The following LLGL1 variants were observed in gnomAD, a reference collection of about 807,000 sequenced individuals.
The protein encoded by LLGL1 is lethal(2) giant larvae protein homolog 1.
In LLGL1, 58 loss-of-function variants were observed where a neutral mutation model predicts 110.6. The observed-to-expected ratio is 0.52, with a 90% CI of 0.42 to 0.65. The LOEUF (loss-of-function observed/expected upper bound fraction) is 0.65. Ranked by LOEUF, LLGL1 falls within the 30% of genes least tolerant of loss-of-function variation. The pLI, the probability that LLGL1 is intolerant of heterozygous loss-of-function variation, is 0.00. For missense variants in LLGL1, 1,229 were observed against 1,462.1 expected, an observed-to-expected ratio of 0.84 and a Z score of 2.60; for synonymous variants, 674 against 607.2, an observed-to-expected ratio of 1.11 and a Z score of -1.62.
chr17:18,237,165 C>T (rs1212107020), intron 13 of LLGL1: 5 of 598,390 alleles, frequency 8.4e-6, no homozygotes, highest in Non-Finnish European at 1.5e-5. Flanking sequence ...TGTGCTCCGG[C>T]ACTCACATGA....
Position 18,226,699 on chromosome 17 carries a change from G to C in LLGL1, c.81+936G>C, listed in dbSNP as rs543163299. On this transcript the variant is annotated intron_variant, in intron 1 of 22. Transcript: ENST00000316843. ...TTCTGCACCAAGGTGGAGTGAGGTG[G>C]AGGCTTTTCCTTCCTTTCCCGGAGT... Among the ~76,000 whole-genome samples, 5 of 152,378 alleles carry C rather than the reference G, an allele frequency of 3.3e-5. No homozygotes were observed. The South Asian group carries it at 1.0e-3, about 32-fold the overall frequency.
chr17:18,229,129 G>A (rs1597858019), intron 1 of LLGL1, among the ~76,000 whole-genome samples: 2 of 152,304 alleles, frequency 1.3e-5, no homozygotes, highest in South Asian at 2.1e-4. Flanking sequence ...GATGGGGCTG[G>A]AGCTCAGCTG....
chr17:18,232,589 T>C lies in LLGL1; in HGVS notation c.261+13T>C. On this transcript the variant is annotated intron_variant, in intron 3 of 22. Coordinates refer to ENST00000316843, the MANE Select transcript of LLGL1 (RefSeq NM_004140.4). ...CTTGACCGGCCAGGTGAGCCTCTGC[T>C]TCCCACTAGCCAGCTCCCTGTGGCC... The C allele has an allele frequency of 6.2e-7, 1 of 1,614,094 alleles. No individual in the cohort carries two copies. The highest frequency in any genetic ancestry group is 1.7e-5 in the Admixed American group (1 of 60,008).
At chr17:18,226,906 T>G (rs2047456419) in intron 1 of LLGL1, among the ~76,000 whole-genome samples, 1 of 152,258 alleles carries the variant, frequency 6.6e-6, no homozygotes, top group Non-Finnish European at 1.5e-5. Flanking sequence ...TAGAGTTATC[T>G]TCAAAATACA....
chr17:18,228,478 T>C (rs1032773081), intron 1 of LLGL1, among the ~76,000 whole-genome samples: 12 of 152,130 alleles, frequency 7.9e-5, no homozygotes, highest in African/African-American at 2.9e-4. Flanking sequence ...CAGACTGTAG[T>C]GAGTACCAAT....
chr17:18,238,129 T>C lies in LLGL1; in HGVS notation c.1967T>C (p.Leu656Pro). 6.2e-7 allele frequency: 1 copy of C among 1,613,838 alleles called. No individual in the cohort carries two copies. The change falls in exon 15 of 23, where the codon CTC becomes CCC. Residue 656 changes from leucine (L) to proline (P), a missense_variant. By Grantham distance (98) the Leu-to-Pro change is moderately conservative. Coordinates refer to ENST00000316843, the MANE Select transcript of LLGL1 (RefSeq NM_004140.4). Reference protein sequence around the residue: ...MEGPLSRVKSLKKSLRQSFRR... With the variant: ...MEGPLSRVKSPKKSLRQSFRR... Reference sequence around the variant, plus strand: ...GGTCCGCTCTCCCGGGTGAAGTCTCTCAAGAAGTCACTGCGCCAGTCTTTC... The same window carrying C: ...GGTCCGCTCTCCCGGGTGAAGTCTCCCAAGAAGTCACTGCGCCAGTCTTTC...
chr17:18,236,330 C>T (rs1198996126), intron 11 of LLGL1: 1 of 454,678 alleles, frequency 2.2e-6, no homozygotes, highest in East Asian at 4.1e-5. Context: ...TCTACATGTC[C>T]CCCTTTGCCA....
intron 2 of LLGL1, among the ~76,000 whole-genome samples, chr17:18,230,951 C>A (rs3829590): frequency 0.77 from 117,313 of 151,702 alleles, 45,536 homozygotes; most frequent in African/African-American, 0.83. Flanking sequence ...CCCCAGCGGC[C>A]TCTGTTGGTG....
chr17:18,231,682 G>T (rs1188824172), intron 2 of LLGL1, among the ~76,000 whole-genome samples: 1 of 152,060 alleles, frequency 6.6e-6, no homozygotes, highest in Admixed American at 6.5e-5. Context: ...TTTTTGAGAT[G>T]GAGTCTTGCT....
At chr17:18,235,753 A>G in intron 11 of LLGL1, 1 of 572,462 alleles carries the variant, frequency 1.7e-6, no homozygotes, top group East Asian at 3.0e-5. Flanking sequence ...ACTGAGCTCT[A>G]CCAAACCCCA....
rs754874417 is a variant in LLGL1 at position 18,234,262 on chromosome 17, C to A, written c.715-11C>A. 371 of 1,597,422 alleles carry A rather than the reference C, an allele frequency of 2.3e-4. No homozygotes were observed. The highest frequency in any genetic ancestry group is 3.1e-4 in the Non-Finnish European group (358 of 1,172,378). ...ATGCCTGCCTGCCTGCCTGCCCCTGCCTGCCCGCAGCAGCTGGAGAGCCTA... is the reference window on the plus strand; with the variant it reads ...ATGCCTGCCTGCCTGCCTGCCCCTGACTGCCCGCAGCAGCTGGAGAGCCTA... On this transcript the variant is annotated splice_polypyrimidine_tract_variant and intron_variant, in intron 6 of 22. Transcript: ENST00000316843.
In LLGL1 at chr17:18,244,010, C is replaced by T. The variant is rs1399514379; in HGVS notation, c.*104C>T. 1 of 152,700 alleles carries T rather than the reference C, an allele frequency of 6.5e-6. No homozygotes were observed. Among genetic ancestry groups the T allele is most frequent in the Non-Finnish European group, 1.5e-5 (1 of 68,440 alleles). 9.5% of individuals were successfully genotyped at this position (152,700 alleles called of 1,614,324 possible). On this transcript the variant is annotated 3_prime_UTR_variant, in exon 23 of 23. Coordinates refer to ENST00000316843, the MANE Select transcript of LLGL1 (RefSeq NM_004140.4). ...TTAACATAGAACCACGCCTGCTAACCTGTAGGCTCCACTGGGACCTGCTGT... is the reference window on the plus strand; with the variant it reads ...TTAACATAGAACCACGCCTGCTAACTTGTAGGCTCCACTGGGACCTGCTGT...
intron 13 of LLGL1, 109 bp from the exon 14 acceptor site, chr17:18,237,372 A>G (rs1459175595): frequency 1.8e-6 from 2 of 1,105,172 alleles, no homozygotes; most frequent in South Asian, 3.3e-5. Context: ...AGACAGTCCT[A>G]GAACCACCTT....
chr17:18,233,850 T>C lies in LLGL1; in HGVS notation c.465T>C (p.Thr155=). Residue 155 remains threonine, a synonymous_variant, in exon 5 of 23, where the codon ACT becomes ACC. Transcript: ENST00000316843. ...CCAGCGACATAGCAGCCCTGGGCACTGAGGGCAGCAGTGTCTTCTTCCTGG... is the reference window on the plus strand; with the variant it reads ...CCAGCGACATAGCAGCCCTGGGCACCGAGGGCAGCAGTGTCTTCTTCCTGG... ...VAASDIAALG[T]EGSSVFFLDV... The C allele has an allele frequency of 6.2e-7, 1 of 1,613,824 alleles. No homozygotes were observed. Among genetic ancestry groups the C allele is most frequent in the Non-Finnish European group, 8.5e-7 (1 of 1,179,938 alleles).
intron 2 of LLGL1, among the ~76,000 whole-genome samples, 175 bp from the exon 3 acceptor site, chr17:18,232,320 G>A (rs1382069593): frequency 6.6e-6 from 1 of 152,246 alleles, no homozygotes; most frequent in Non-Finnish European, 1.5e-5. Flanking sequence ...ATACTGTAGG[G>A]GTGCAGAGTG....
At chr17:18,226,511 C>G (rs1369269052) in intron 1 of LLGL1, among the ~76,000 whole-genome samples, 1 of 152,224 alleles carries the variant, frequency 6.6e-6, no homozygotes, top group Non-Finnish European at 1.5e-5. Context: ...CCTTGCCCTG[C>G]TCTGCCCTGC....
At position 18,228,374 on chromosome 17, in the gene LLGL1, C is replaced by T. The variant is rs570648875; in HGVS notation, c.82-1567C>T. Among the ~76,000 whole-genome samples the T allele has an allele frequency of 3.3e-5, 5 of 152,306 alleles. No homozygotes were observed. In the South Asian group the frequency reaches 1.0e-3, roughly 32 times the overall value. ...GGTGCAAAGGCCCTGAGGCACAAGC[C>T]TCCCTTAGCTGGGAGCCCCAGGAGG... On this transcript the variant is annotated intron_variant, in intron 1 of 22. Transcript: ENST00000316843.
At chr17:18,237,037 G>A (rs2047709901) in intron 13 of LLGL1, 98 bp downstream of exon 13, 4 of 1,082,742 alleles carry the variant, frequency 3.7e-6, no homozygotes, top group Non-Finnish European at 5.4e-6. Context: ...ACTGGCACAG[G>A]CAAAAGCCAA....
rs2047792646 is a variant in LLGL1, at chr17:18,240,082, A to G, written c.2207-496A>G. ...GGCTTGGCGGCTTCCTCTGGCTGCC[A>G]CGTAGGGAGCACACTGAAGACAGTG... On this transcript the variant is annotated intron_variant, in intron 16 of 22. Coordinates refer to ENST00000316843, the MANE Select transcript of LLGL1 (RefSeq NM_004140.4). This position sits in a 1 kb window ranked among gnomAD's most constrained non-coding sequence, Gnocchi z 5.3. Among the ~76,000 whole-genome samples the G allele has an allele frequency of 6.6e-6, 1 of 152,074 alleles. No homozygotes were observed. Among genetic ancestry groups the G allele is most frequent in the Non-Finnish European group, 1.5e-5 (1 of 67,996 alleles).
Sources: gnomAD v4.1 joint callset for allele counts (sites outside exome capture counted in the v4.1 genomes callset) on GRCh38, gnomAD v4.1.1 for gene constraint, Gnocchi (gnomAD v3.1) non-coding constraint, MANE v1.5 for transcripts, NCBI Gene and HGNC (gene_info 2026-07-23, HGNC 2026-07-21) for gene names.